Variants in NTRK2 observed in about 807,000 individuals in gnomAD.
NTRK2 encodes the protein neurotrophic receptor tyrosine kinase 2.
A neutral mutation model predicts 94.5 loss-of-function variants in NTRK2; 13 were observed. The observed-to-expected ratio is 0.14, with a 90% CI of 0.09 to 0.22. The LOEUF (loss-of-function observed/expected upper bound fraction) is 0.22, where lower values mean the gene tolerates loss of function less well. NTRK2 is among the 10% of genes least tolerant of loss of function. NTRK2 has a pLI of 1.00. For synonymous variants in NTRK2, 372 were observed against 407.4 expected (o/e 0.91, Z 1.05); for missense variants, 639 against 1,071.2 (o/e 0.60, Z 5.63).
chr9:84,976,306 G>T (rs1329149879), intron 17 of NTRK2, among the ~76,000 whole-genome samples: 2 of 152,162 alleles, frequency 1.3e-5, no homozygotes, highest in African/African-American at 2.4e-5. Flanking sequence ...AGAGAGCTCT[G>T]TTGTCTCTTC....
At position 85,021,411 on chromosome 9, in the gene NTRK2, C is replaced by G. The variant is rs2118019129; in HGVS notation, c.2491C>G (p.Pro831Ala). 3 of 1,614,186 alleles carry G rather than the reference C, an allele frequency of 1.9e-6. No homozygotes were observed. The South Asian group carries it at 3.3e-5, about 18-fold the overall frequency. The part of the protein sequence containing the change: ...TLLQNLAKAS[P>A]VYLDILG ...CCTTCAGAACTTGGCCAAGGCATCTCCGGTCTACCTGGACATTCTAGGCTA... is the reference window on the plus strand; with the variant it reads ...CCTTCAGAACTTGGCCAAGGCATCTGCGGTCTACCTGGACATTCTAGGCTA... Residue 831 changes from proline (P) to alanine (A), a missense_variant, in exon 19 of 19, where the codon CCG (proline) becomes GCG (alanine). Physicochemically the swap from Pro to Ala is conservative, Grantham distance 27. This residue lies in a region of NTRK2 where 77 missense variants were observed against 203.6 expected (regional missense o/e 0.38). Coordinates refer to ENST00000277120, the MANE Select transcript of NTRK2 (RefSeq NM_006180.6).
chr9:84,906,572 T>C (rs547194110), intron 14 of NTRK2, among the ~76,000 whole-genome samples: 2 of 152,356 alleles, frequency 1.3e-5, no homozygotes, highest in South Asian at 4.1e-4. Flanking sequence ...TTCTTCCAGC[T>C]GACTGGGTCT....
intron 12 of NTRK2, among the ~76,000 whole-genome samples, chr9:84,789,961 C>T (rs1278290430): frequency 2.0e-5 from 3 of 152,140 alleles, no homozygotes; most frequent in Non-Finnish European, 4.4e-5. Context: ...TACAAGATAC[C>T]TTCTCGCTGG....
chr9:84,929,370 G>C (rs2077939084), intron 14 of NTRK2, among the ~76,000 whole-genome samples: 1 of 152,178 alleles, frequency 6.6e-6, no homozygotes, highest in South Asian at 2.1e-4. Context: ...CAGTGACAGG[G>C]TTGCCCAGAC....
At position 85,026,141 on chromosome 9, in the gene NTRK2, T is replaced by A. The variant is rs551511801; in HGVS notation, c.*4704T>A. 0.019 allele frequency: 3,312 copies of A among 171,088 alleles called. 60 individuals carry two copies. The highest frequency in any genetic ancestry group is 0.059 in the African/African-American group (2,343 of 39,568). The allele number at this position is 171,088 out of a possible 1,614,324, so 10.6% of individuals were successfully genotyped here. On this transcript the variant is annotated 3_prime_UTR_variant, in exon 19 of 19. Transcript: ENST00000277120. ...ACACAAAGCAAAGCAAAAAAAAAAA[T>A]ATATATATATATATCTGTATATGTG...
intron 14 of NTRK2, among the ~76,000 whole-genome samples, chr9:84,914,511 C>G (rs1235908602): frequency 6.6e-6 from 1 of 152,208 alleles, no homozygotes; most frequent in Non-Finnish European, 1.5e-5. Context: ...AAGGGGGACT[C>G]TGACACATTA....
At chr9:84,949,944 T>C (rs2078724073) in intron 16 of NTRK2, among the ~76,000 whole-genome samples, 1 of 152,162 alleles carries the variant, frequency 6.6e-6, no homozygotes, top group Non-Finnish European at 1.5e-5. Flanking sequence ...ACAATATAAG[T>C]GGTGACTTTT....
intron 14 of NTRK2, among the ~76,000 whole-genome samples, chr9:84,880,920 C>T (rs1051742095): frequency 6.6e-6 from 1 of 152,124 alleles, no homozygotes; most frequent in South Asian, 2.1e-4. Flanking sequence ...GTTCAAAGTC[C>T]ATTGTGACAA....
At chr9:84,873,996 C>G (rs1316039585) in intron 14 of NTRK2, 1 of 1,063,720 alleles carries the variant, frequency 9.4e-7, no homozygotes, top group Non-Finnish European at 1.1e-6. Flanking sequence ...CATTTCAGTC[C>G]AATTTCACCA....
At chr9:84,768,428 T>C (rs1351898042) in intron 12 of NTRK2, among the ~76,000 whole-genome samples, 1 of 152,118 alleles carries the variant, frequency 6.6e-6, no homozygotes, top group Non-Finnish European at 1.5e-5. Context: ...GCCAAGCCCC[T>C]CCCTCCGCAG....
chr9:84,902,527 A>T (rs2076961537), intron 14 of NTRK2, among the ~76,000 whole-genome samples: 1 of 152,204 alleles, frequency 6.6e-6, no homozygotes, highest in Admixed American at 6.5e-5. Context: ...ATTTTTGTAA[A>T]TAATGAGTAT....
intron 2 of NTRK2, among the ~76,000 whole-genome samples, chr9:84,697,390 A>T (rs2060450177): frequency 6.6e-6 from 1 of 152,132 alleles, no homozygotes; most frequent in South Asian, 2.1e-4. Context: ...CATGGAGAGA[A>T]ATCTCCTGGT....
chr9:84,795,038 TCTCAG>T (rs1212280552), intron 12 of NTRK2, among the ~76,000 whole-genome samples: 1 of 152,130 alleles, frequency 6.6e-6, no homozygotes, highest in Non-Finnish European at 1.5e-5. Context: ...TACCTTGAGC[TCTCAG>T]CTCTGTCCAC....
At position 84,718,030 on chromosome 9, in the gene NTRK2, C is replaced by T. The variant is rs375187129; in HGVS notation, c.584-5543C>T. On this transcript the variant is annotated intron_variant, in intron 6 of 18. Transcript: ENST00000277120. ...TTCTCCTTCTTCTTCTTCCTCTTCC[C>T]CTTCCTCTTCTTCCTCCTCTTCTTC... Among the ~76,000 whole-genome samples, 6 of 143,248 alleles carry T rather than the reference C, an allele frequency of 4.2e-5. No homozygotes were observed. In the East Asian group the frequency reaches 8.6e-4, roughly 21 times the overall value. 94.0% of individuals were successfully genotyped at this position (143,248 alleles called of 152,430 possible).
chr9:84,882,730 G>GCA (rs1554762233), intron 14 of NTRK2, among the ~76,000 whole-genome samples: 3 of 151,598 alleles, frequency 2.0e-5, no homozygotes, highest in African/African-American at 7.3e-5. Context: ...GCGCGCGCGC[G>GCA]CGCATGTGTG....
chr9:84,725,178 T>A (rs1441867762), intron 8 of NTRK2, among the ~76,000 whole-genome samples: 1 of 152,202 alleles, frequency 6.6e-6, no homozygotes, highest in African/African-American at 2.4e-5. Flanking sequence ...AGTGTATGTC[T>A]GACTTACACA....
chr9:84,994,534 C>T (rs1267963312), intron 17 of NTRK2, among the ~76,000 whole-genome samples: 3 of 152,174 alleles, frequency 2.0e-5, no homozygotes, highest in Non-Finnish European at 2.9e-5. Context: ...ACCTTGTCCC[C>T]TTCCTGAAGA....
chr9:84,995,290 T>C (rs1829606998), intron 17 of NTRK2, among the ~76,000 whole-genome samples: 1 of 151,044 alleles, frequency 6.6e-6, no homozygotes, highest in African/African-American at 2.4e-5. Context: ...CTGTTTTGCT[T>C]TTTTTTTTCC....
chr9:84,852,703 T>A (rs1001432368), intron 12 of NTRK2, among the ~76,000 whole-genome samples: 1 of 152,194 alleles, frequency 6.6e-6, no homozygotes, highest in Admixed American at 6.5e-5. Context: ...AAATGTAGAC[T>A]CACTAAACTG....
Sources: gnomAD v4.1 joint callset for allele counts (sites outside exome capture counted in the v4.1 genomes callset) on GRCh38, gnomAD v4.1.1 for gene constraint, gnomAD v4.1.1 regional missense constraint, MANE v1.5 for transcripts, NCBI Gene and HGNC (gene_info 2026-07-23, HGNC 2026-07-21) for gene names.